The following NUBPL variants were observed in gnomAD, a reference collection of about 807,000 sequenced individuals.
The protein encoded by NUBPL is NUBP iron-sulfur cluster assembly factor, mitochondrial, also known as iron-sulfur cluster transfer protein NUBPL.
Under a neutral mutation model 45.7 loss-of-function variants are expected in NUBPL, and 31 were observed. That is an observed-to-expected ratio of 0.68 (90% confidence interval 0.51 to 0.92). NUBPL has a LOEUF of 0.92. Ranked by LOEUF, NUBPL falls within the 40% of genes least tolerant of loss-of-function variation. The pLI is 0.00. For missense variants in NUBPL, 401 were observed against 398.7 expected, an observed-to-expected ratio of 1.01 and a Z score of -0.05; for synonymous variants, 144 against 140.9, an observed-to-expected ratio of 1.02 and a Z score of -0.15.
intron 6 of NUBPL, among the ~76,000 whole-genome samples, chr14:31,717,859 C>T (rs1188524401): frequency 2.6e-5 from 4 of 152,166 alleles, no homozygotes; most frequent in Non-Finnish European, 5.9e-5. Flanking sequence ...TCTTGGCTGC[C>T]TCTCACTTTT....
Position 31,859,881 on chromosome 14 carries a change from A to C in NUBPL, c.*701A>C, listed in dbSNP as rs539356568. 2 of 153,460 alleles carry C rather than the reference A, an allele frequency of 1.3e-5. No individual in the cohort carries two copies. The highest frequency in any genetic ancestry group is 2.1e-4 in the South Asian group (1 of 4,862). The allele number at this position is 153,460 out of a possible 1,614,324, so 9.5% of individuals were successfully genotyped here. ...GATAAGTAATTTGAGATATAATTTGAAGGCACTCAACCTTGAGTGTCTTGC... is the reference window on the plus strand; with the variant it reads ...GATAAGTAATTTGAGATATAATTTGCAGGCACTCAACCTTGAGTGTCTTGC... On this transcript the variant is annotated 3_prime_UTR_variant, in exon 11 of 11. Coordinates refer to ENST00000281081, the MANE Select transcript of NUBPL (RefSeq NM_025152.3).
chr14:31,604,094 T>C (rs1377946504), intron 4 of NUBPL, among the ~76,000 whole-genome samples: 1 of 150,426 alleles, frequency 6.6e-6, no homozygotes, highest in South Asian at 2.1e-4. Context: ...ACTGAAGCTA[T>C]AATCTTAAAT....
rs191455285 is a variant in NUBPL, at chr14:31,804,331, A to G, written c.607+16458A>G. ...AAGTAATAGGTAGATGTTACAGTAT[A>G]TCAGTTAACAGTTCAAAAAATAGCT... On this transcript the variant is annotated intron_variant, in intron 7 of 10. Transcript: ENST00000281081. 7.9e-5 allele frequency among the ~76,000 whole-genome samples: 12 copies of G among 151,742 alleles called. No homozygotes were observed. In the East Asian group the frequency reaches 2.3e-3, roughly 29 times the overall value.
chr14:31,599,807 C>T (rs2034379032), intron 4 of NUBPL, among the ~76,000 whole-genome samples: 1 of 152,120 alleles, frequency 6.6e-6, no homozygotes, highest in African/African-American at 2.4e-5. Context: ...TTGTAAGGAG[C>T]ATCTCTTACC....
chr14:31,825,949 A>C lies in NUBPL; in HGVS notation c.608-680A>C, dbSNP rs74665763. On this transcript the variant is annotated intron_variant, in intron 7 of 10. Transcript: ENST00000281081. The stretch of plus-strand genomic sequence containing the variant: ...GTGATCCCTCCGCCTCAGCCTCCCA[A>C]GTAGTTTGGATTACAGGCACATGTC... Among the ~76,000 whole-genome samples, 473 of 151,464 alleles carry C rather than the reference A, an allele frequency of 3.1e-3. 11 individuals are homozygous for C. The East Asian group carries it at 0.046, about 15-fold the overall frequency.
chr14:31,809,898 T>C (rs1339734466), intron 7 of NUBPL, among the ~76,000 whole-genome samples: 1 of 152,190 alleles, frequency 6.6e-6, no homozygotes, highest in African/African-American at 2.4e-5. Context: ...CAGGAGCAGG[T>C]TGTTAAGTTT....
intron 6 of NUBPL, among the ~76,000 whole-genome samples, chr14:31,679,633 T>C (rs753366645): frequency 7.2e-5 from 11 of 152,196 alleles, no homozygotes; most frequent in South Asian, 2.1e-4. Flanking sequence ...TAATCCTTAC[T>C]GTAAAACCAC....
intron 6 of NUBPL, among the ~76,000 whole-genome samples, chr14:31,777,495 G>A (rs918172761): frequency 1.3e-5 from 2 of 152,202 alleles, no homozygotes; most frequent in African/African-American, 4.8e-5. Flanking sequence ...CAATCCTAGT[G>A]GGAGTCGCTT....
intron 7 of NUBPL, among the ~76,000 whole-genome samples, chr14:31,798,341 C>T (rs1417110363): frequency 8.6e-6 from 1 of 116,744 alleles, no homozygotes; most frequent in Non-Finnish European, 1.7e-5. Flanking sequence ...TATATAATAT[C>T]CATGTGGTCA....
chr14:31,716,030 T>C (rs1158103107), intron 6 of NUBPL, among the ~76,000 whole-genome samples: 1 of 152,096 alleles, frequency 6.6e-6, no homozygotes, highest in Non-Finnish European at 1.5e-5. Context: ...TTTTTTTTGG[T>C]CAAAAACTTA....
chr14:31,654,135 G>A (rs1326346892), intron 4 of NUBPL: 1 of 453,628 alleles, frequency 2.2e-6, no homozygotes, highest in Non-Finnish European at 4.4e-6. Flanking sequence ...TCTCAATAAA[G>A]TAAGCAACAT....
In NUBPL at chr14:31,816,145, C is replaced by G. The variant is rs143719041; in HGVS notation, c.608-10484C>G. On this transcript the variant is annotated intron_variant, in intron 7 of 10. Transcript: ENST00000281081. ...TCTTTGTACCTCTGGTAGAATTCAG[C>G]TGTGAATCCATCTGATCCTCGCTTT... Among the ~76,000 whole-genome samples the G allele has an allele frequency of 2.2e-3, 331 of 152,308 alleles. 2 individuals are homozygous for G. Among genetic ancestry groups the G allele is most frequent in the African/African-American group, 7.0e-3 (292 of 41,578 alleles).
At chr14:31,698,691 T>G (rs1020645582) in intron 6 of NUBPL, among the ~76,000 whole-genome samples, 1 of 151,994 alleles carries the variant, frequency 6.6e-6, no homozygotes, top group Admixed American at 6.6e-5. Context: ...TACTTACTGA[T>G]TTTTTTTAAG....
intron 3 of NUBPL, among the ~76,000 whole-genome samples, chr14:31,568,530 T>A (rs1408546115): frequency 2.0e-5 from 3 of 152,230 alleles, no homozygotes; most frequent in African/African-American, 7.2e-5. Context: ...TTCAGAAAAA[T>A]TGGATTCATC....
intron 8 of NUBPL, among the ~76,000 whole-genome samples, chr14:31,837,404 A>G (rs2040299141): frequency 6.6e-6 from 1 of 152,216 alleles, no homozygotes; most frequent in African/African-American, 2.4e-5. Context: ...CCCTTAAAAG[A>G]TTAGGTAGGA....
intron 3 of NUBPL, among the ~76,000 whole-genome samples, chr14:31,596,225 T>C (rs989612634): frequency 6.6e-6 from 1 of 152,118 alleles, no homozygotes; most frequent in African/African-American, 2.4e-5. Context: ...TTATTCATGA[T>C]AAATAAAATC....
chr14:31,587,552 AAAG>A (rs2034026095), intron 3 of NUBPL, among the ~76,000 whole-genome samples: 1 of 152,212 alleles, frequency 6.6e-6, no homozygotes, highest in Non-Finnish European at 1.5e-5. Context: ...ACTACAACAA[AAAG>A]AAAAGAAGCA....
intron 7 of NUBPL, among the ~76,000 whole-genome samples, chr14:31,815,267 T>C (rs1208708306): frequency 6.6e-6 from 1 of 152,136 alleles, no homozygotes; most frequent in African/African-American, 2.4e-5. Context: ...CCCTTGTAAA[T>C]TGGATTCCTA....
chr14:31,666,048 C>G (rs1048184078), intron 4 of NUBPL, among the ~76,000 whole-genome samples: 16 of 150,056 alleles, frequency 1.1e-4, no homozygotes, highest in African/African-American at 3.9e-4. Context: ...AGGATTGTAC[C>G]CTGGTTTTTT....
Sources: allele counts gnomAD v4.1 joint callset (sites outside exome capture counted in the v4.1 genomes callset), GRCh38; gene constraint gnomAD v4.1.1; transcripts MANE v1.5; gene names NCBI Gene and HGNC (gene_info 2026-07-23, HGNC 2026-07-21).